Variants in PLCH1 observed in about 807,000 individuals in gnomAD.
PLCH1 encodes the protein phospholipase C eta 1.
In PLCH1, 60 loss-of-function variants were observed where a neutral mutation model predicts 126.7. That is an observed-to-expected ratio of 0.47 (90% CI 0.38 to 0.59). The LOEUF is 0.59. Ranked by LOEUF, PLCH1 falls within the 20% of genes least tolerant of loss-of-function variation. The pLI, the probability that PLCH1 is intolerant of heterozygous loss-of-function variation, is 0.00. For synonymous variants in PLCH1, 719 were observed against 734.9 expected (o/e 0.98, Z 0.35); for missense variants, 1,723 against 2,040.0 (o/e 0.84, Z 2.99).
intron 21 of PLCH1, among the ~76,000 whole-genome samples, chr3:155,455,840 CAG>C (rs1173580404): frequency 6.6e-6 from 1 of 152,180 alleles, no homozygotes; most frequent in African/African-American, 2.4e-5. Context: ...GAGTTACACA[CAG>C]AGAAATAGTT....
intron 10 of PLCH1, among the ~76,000 whole-genome samples, chr3:155,534,570 G>A (rs903937519): frequency 1.3e-5 from 2 of 152,200 alleles, no homozygotes; most frequent in African/African-American, 4.8e-5. Flanking sequence ...GACTTTGGGG[G>A]ACTGTTGGAA....
chr3:155,585,729 C>A (rs1731273154), intron 5 of PLCH1, among the ~76,000 whole-genome samples: 1 of 152,126 alleles, frequency 6.6e-6, no homozygotes, highest in Non-Finnish European at 1.5e-5. Flanking sequence ...TGTCATGTTA[C>A]TTAGTCTTTA....
Position 155,514,806 on chromosome 3 carries a change from G to T in PLCH1, c.1549C>A (p.Arg517=), listed in dbSNP as rs370011945. The change falls in exon 12 of 23, where the codon CGA becomes AGA. Residue 517 remains arginine (R), a synonymous_variant. Transcript: ENST00000460012. ...AAACTATCAGGATCTTCTTTATCTC[G>T]AATTTGAGATTCTTTTAACAGTGAC... ...LESLLKESQI[R]DKEDPDSFTV... 20 of 1,612,064 alleles carry T rather than the reference G, an allele frequency of 1.2e-5. No homozygotes were observed. Among genetic ancestry groups the T allele is most frequent in the Non-Finnish European group, 1.7e-5 (20 of 1,178,488 alleles).
chr3:155,549,993 G>A (rs780001126), intron 9 of PLCH1, 35 bp from the exon 10 acceptor site: 11 of 1,547,178 alleles, frequency 7.1e-6, no homozygotes, highest in Non-Finnish European at 7.9e-6. Flanking sequence ...GAGGCGTCAG[G>A]TGCAGGCAAC....
At chr3:155,685,465 G>A (rs1359800813) in intron 2 of PLCH1, among the ~76,000 whole-genome samples, 1 of 152,116 alleles carries the variant, frequency 6.6e-6, no homozygotes, top group Non-Finnish European at 1.5e-5. Context: ...GAGCTCCTTA[G>A]GAGAAAAAGA....
In PLCH1 at chr3:155,600,618, A is replaced by AAC. The variant is rs1553851864; in HGVS notation, c.80-4241_80-4240insGT. On this transcript the variant is annotated intron_variant, in intron 2 of 22. Coordinates refer to ENST00000460012, the MANE Select transcript of PLCH1 (RefSeq NM_014996.4). ...TAAGATAGCTAAAAAAAAAAAAAAA[A>AAC]AAGTTTATTTGGATACAATGCAGCA... is the stretch of plus-strand genomic sequence containing the variant. 3.7e-3 allele frequency among the ~76,000 whole-genome samples: 567 copies of AAC among 151,246 alleles called. 7 individuals are homozygous for AAC. The East Asian group carries it at 0.051, about 14-fold the overall frequency.
rs372339308 is a variant in PLCH1 at position 155,481,184 on chromosome 3, G to A, written c.4842C>T (p.Pro1614=). Residue 1614 remains proline (P), a synonymous_variant, in exon 23 of 23, where the codon CCC becomes CCT. Transcript: ENST00000460012. This position sits in a 1 kb window ranked among gnomAD's most constrained non-coding sequence, Gnocchi z 4.2. ...GVVLRNKPSA[P]TPAVNRHSTG... ...TGGAGTGGCGATTCACTGCAGGGGT[G>A]GGTGCTGAGGGTTTGTTTCTAAGAA... is the stretch of plus-strand genomic sequence containing the variant. The A allele has an allele frequency of 6.2e-7, 1 of 1,614,234 alleles. No individual in the cohort carries two copies. The highest frequency in any genetic ancestry group is 1.7e-5 in the Admixed American group (1 of 60,030).
chr3:155,470,999 T>A (rs1713197174), intron 21 of PLCH1, among the ~76,000 whole-genome samples: 1 of 149,394 alleles, frequency 6.7e-6, no homozygotes, highest in African/African-American at 2.5e-5. Context: ...CCATCGAGAC[T>A]AGGAAGAAAG....
chr3:155,581,238 A>T (rs893185876), intron 6 of PLCH1, among the ~76,000 whole-genome samples: 1 of 152,216 alleles, frequency 6.6e-6, no homozygotes, highest in African/African-American at 2.4e-5. Context: ...TCCTTGCAAT[A>T]TCCAGATCCA....
chr3:155,478,407 C>T (rs1250826521), downstream of PLCH1, among the ~76,000 whole-genome samples: 2 of 152,054 alleles, frequency 1.3e-5, no homozygotes, highest in South Asian at 4.2e-4. Flanking sequence ...TTGGATTGTT[C>T]GTAAGTCAAT....
chr3:155,451,798 A>G (rs57461710), intron 21 of PLCH1, among the ~76,000 whole-genome samples: 6,740 of 152,214 alleles, frequency 0.044, 368 homozygotes, highest in African/African-American at 0.13. Context: ...TTTTGGGCCT[A>G]AATTCAGACT....
chr3:155,655,255 G>A (rs115923062), intron 2 of PLCH1, among the ~76,000 whole-genome samples: 2,596 of 152,148 alleles, frequency 0.017, 34 homozygotes, highest in Non-Finnish European at 0.025. Flanking sequence ...GAGCAATATG[G>A]CAAAGCCCCG....
At position 155,474,641 on chromosome 3, in the gene PLCH1, A is replaced by G. The variant is rs1368709081; in HGVS notation, c.2938+10715T>C. ...ACACATGCACACGTATGTTTATTGCAGCATTATTCACAATAGCAAAGACTT... is the reference window on the plus strand; with the variant it reads ...ACACATGCACACGTATGTTTATTGCGGCATTATTCACAATAGCAAAGACTT... On this transcript the variant is annotated intron_variant, in intron 21 of 21. Coordinates refer to the PLCH1 transcript ENST00000494598. 7.8e-3 allele frequency among the ~76,000 whole-genome samples: 974 copies of G among 125,470 alleles called. 4 individuals carry two copies. Among genetic ancestry groups the G allele is most frequent in the South Asian group, 0.022 (69 of 3,104 alleles). The allele number at this position is 125,470 out of a possible 152,430, so 82.3% of individuals were successfully genotyped here. A position where few individuals can be genotyped will look rare whatever the true frequency, so the allele number is the denominator to read the frequency against.
At chr3:155,516,426 G>A (rs1720318559) in intron 11 of PLCH1, among the ~76,000 whole-genome samples, 1 of 152,078 alleles carries the variant, frequency 6.6e-6, no homozygotes, top group African/African-American at 2.4e-5. Context: ...GGATTTACAT[G>A]AATTAAGAAT....
intron 18 of PLCH1, among the ~76,000 whole-genome samples, chr3:155,491,621 T>A (rs191482077): frequency 6.6e-6 from 1 of 152,298 alleles, no homozygotes; most frequent in Admixed American, 6.5e-5. Flanking sequence ...TTCTCCTATA[T>A]AACATAACGT....
intron 1 of PLCH1, among the ~76,000 whole-genome samples, chr3:155,743,885 A>G (rs1423901474): frequency 2.6e-5 from 4 of 152,128 alleles, no homozygotes; most frequent in African/African-American, 9.7e-5. Flanking sequence ...CAGGAAGTAA[A>G]TGTTTTATTC....
chr3:155,497,905 G>T (rs952518107), intron 14 of PLCH1, among the ~76,000 whole-genome samples: 1 of 152,128 alleles, frequency 6.6e-6, no homozygotes, highest in African/African-American at 2.4e-5. Flanking sequence ...AGCAGTGAAA[G>T]GGTTTCACCA....
At chr3:155,509,205 CTTTATCATTT>C (rs1719119526) in intron 12 of PLCH1, among the ~76,000 whole-genome samples, 1 of 134,476 alleles carries the variant, frequency 7.4e-6, no homozygotes, top group African/African-American at 3.4e-5. Context: ...GTGATATCCC[CTTTATCATTT>C]TTTATTGTGT....
intron 2 of PLCH1, among the ~76,000 whole-genome samples, chr3:155,698,864 G>C (rs368317893): frequency 6.6e-6 from 1 of 152,096 alleles, no homozygotes; most frequent in East Asian, 1.9e-4. Flanking sequence ...GGGAGGTAGA[G>C]AGCCTTTTGG....
Sources: gnomAD v4.1 joint callset for allele counts (sites outside exome capture counted in the v4.1 genomes callset) on GRCh38, gnomAD v4.1.1 for gene constraint, Gnocchi (gnomAD v3.1) non-coding constraint, MANE v1.5 for transcripts, NCBI Gene and HGNC (gene_info 2026-07-23, HGNC 2026-07-21) for gene names.